PRDM11: variants seen among roughly 807,000 people sequenced by gnomAD.
PRDM11 encodes the protein PR domain-containing protein 11.
Under a neutral mutation model 97.8 loss-of-function variants are expected in PRDM11, and 20 were observed. The observed-to-expected ratio is 0.20, with a 90% CI of 0.14 to 0.30. The LOEUF (loss-of-function observed/expected upper bound fraction) is 0.30. PRDM11 is among the 10% of genes least tolerant of loss of function. The pLI, the probability that PRDM11 is intolerant of heterozygous loss-of-function variation, is 1.00. For missense variants in PRDM11, 1,139 were observed against 1,555.2 expected, an observed-to-expected ratio of 0.73 and a Z score of 4.50; for synonymous variants, 599 against 637.7, an observed-to-expected ratio of 0.94 and a Z score of 0.91.
At chr11:45,134,040 C>T (rs888518519) in intron 1 of PRDM11, among the ~76,000 whole-genome samples, 1 of 152,204 alleles carries the variant, frequency 6.6e-6, no homozygotes. Context: ...CATCTCTATA[C>T]ACCCCCAGAG....
intron 1 of PRDM11, among the ~76,000 whole-genome samples, chr11:45,125,685 T>G (rs1852552429): frequency 6.6e-6 from 1 of 152,236 alleles, no homozygotes; most frequent in Non-Finnish European, 1.5e-5. Flanking sequence ...TCTAGTTTGA[T>G]TGCACTGTGG....
chr11:45,180,798 C>G (rs1252929385), intron 1 of PRDM11, among the ~76,000 whole-genome samples: 2 of 151,036 alleles, frequency 1.3e-5, no homozygotes, highest in East Asian at 2.0e-4. Flanking sequence ...CGGCCCGAGA[C>G]GGGGCGGCCA....
At chr11:45,214,094 C>T (rs1446861505) in intron 5 of PRDM11, 2 of 220,640 alleles carry the variant, frequency 9.1e-6, no homozygotes, top group African/African-American at 4.5e-5. Context: ...AACCTCTTCC[C>T]TGGCTTCTAA....
chr11:45,143,421 A>G (rs941742919), upstream of PRDM11, among the ~76,000 whole-genome samples: 3 of 152,118 alleles, frequency 2.0e-5, no homozygotes, highest in Non-Finnish European at 1.5e-5. Flanking sequence ...CTTCACAGGG[A>G]CCTGGAGGTG....
chr11:45,116,351 A>C (rs1852301984), intron 1 of PRDM11, among the ~76,000 whole-genome samples: 1 of 152,210 alleles, frequency 6.6e-6, no homozygotes, highest in East Asian at 1.9e-4. Flanking sequence ...ATTCTTTGCA[A>C]GTACATATAG....
At chr11:45,148,923 C>T (rs749191696) in intron 1 of PRDM11, among the ~76,000 whole-genome samples, 1 of 152,060 alleles carries the variant, frequency 6.6e-6, no homozygotes, top group Non-Finnish European at 1.5e-5. Flanking sequence ...CAAAGGTGTC[C>T]ATAATCTTCC....
At chr11:45,146,984 G>C (rs1191797844) in intron 1 of PRDM11, 107 bp downstream of exon 1, 4 of 145,912 alleles carry the variant, frequency 2.7e-5, no homozygotes, top group Middle Eastern at 3.5e-3. Context: ...CGGGAGCGGC[G>C]GCTGGGGGCG....
At chr11:45,179,802 G>A (rs772847689) in intron 1 of PRDM11, among the ~76,000 whole-genome samples, 5 of 152,226 alleles carry the variant, frequency 3.3e-5, no homozygotes, top group Admixed American at 2.0e-4. Context: ...GGATCACACC[G>A]CCCATCAGTG....
rs1854270370 is a variant in PRDM11, at chr11:45,226,176, C to T, written c.1551C>T (p.Phe517=). The T allele has an allele frequency of 2.0e-6, 3 of 1,532,982 alleles. No individual in the cohort carries two copies. The highest frequency in any genetic ancestry group is 2.6e-6 in the Non-Finnish European group (3 of 1,145,964). The allele number at this position is 1,532,982 out of a possible 1,614,324, so 95.0% of individuals were successfully genotyped here. ...FKQEWLKKFW[F]LRYSPTLNEM... ...AGGAATGGCTGAAGAAGTTCTGGTT[C>T]CTGCGGTACTCCCCAACCCTCAATG... The change falls in exon 8 of 8, where the codon TTC becomes TTT. Residue 517 remains phenylalanine (F), a synonymous_variant. Transcript: ENST00000683152.
In PRDM11 at chr11:45,226,680, G is replaced by T; in HGVS notation, c.2055G>T (p.Gly685=). 6.5e-7 allele frequency: 1 copy of T among 1,533,980 alleles called. No individual in the cohort carries two copies. Among genetic ancestry groups the T allele is most frequent in the Non-Finnish European group, 8.7e-7 (1 of 1,146,740 alleles). ...ATGTTCAGTACACCAGCAGTGATGGGCCCCCGGCCACAGAGTTCCTGTCCC... is the reference window on the plus strand; with the variant it reads ...ATGTTCAGTACACCAGCAGTGATGGTCCCCCGGCCACAGAGTTCCTGTCCC... ...AVYVQYTSSD[G]PPATEFLSLQ... The change falls in exon 8 of 8, where the codon GGG becomes GGT. Residue 685 remains glycine, a synonymous_variant. Transcript: ENST00000683152.
At chr11:45,166,810 G>A (rs1207494446) in intron 1 of PRDM11, among the ~76,000 whole-genome samples, 1 of 152,204 alleles carries the variant, frequency 6.6e-6, no homozygotes, top group Non-Finnish European at 1.5e-5. Context: ...CTTCCTGGTC[G>A]AGTGTCACAG....
chr11:45,215,539 C>T (rs576838152), intron 5 of PRDM11, among the ~76,000 whole-genome samples: 1 of 152,280 alleles, frequency 6.6e-6, no homozygotes, highest in African/African-American at 2.4e-5. Context: ...GGGAAGGAGC[C>T]AAATTGGAAG....
At chr11:45,155,421 A>G (rs1425365511) in intron 1 of PRDM11, among the ~76,000 whole-genome samples, 6 of 152,164 alleles carry the variant, frequency 3.9e-5, no homozygotes, top group African/African-American at 1.4e-4. Flanking sequence ...CAGCACCGTC[A>G]TGGCCCAAGG....
chr11:45,141,830 T>A (rs1422820779), upstream of PRDM11, among the ~76,000 whole-genome samples: 5 of 152,164 alleles, frequency 3.3e-5, no homozygotes, highest in African/African-American at 1.2e-4. Context: ...GGAAGATGCA[T>A]CTGATTGACA....
chr11:45,134,228 G>A (rs1173932179), intron 1 of PRDM11, among the ~76,000 whole-genome samples: 2 of 152,162 alleles, frequency 1.3e-5, no homozygotes, highest in Non-Finnish European at 2.9e-5. Flanking sequence ...GGACCAAATA[G>A]CTCATGCTGA....
chr11:45,125,465 C>T (rs1190614134), intron 1 of PRDM11, among the ~76,000 whole-genome samples: 1 of 152,050 alleles, frequency 6.6e-6, no homozygotes, highest in African/African-American at 2.4e-5. Flanking sequence ...CTGTTTTCTC[C>T]TGTGGGCATT....
intron 1 of PRDM11, among the ~76,000 whole-genome samples, chr11:45,137,630 C>T (rs1396337118): frequency 6.6e-6 from 1 of 152,050 alleles, no homozygotes; most frequent in African/African-American, 2.4e-5. Context: ...CATCTGTAGC[C>T]CTGGCTACTC....
At chr11:45,146,158 T>G (rs1851503090), upstream of PRDM11, among the ~76,000 whole-genome samples, 1 of 152,078 alleles carries the variant, frequency 6.6e-6, no homozygotes, top group Non-Finnish European at 1.5e-5. Context: ...TCTCGCAACT[T>G]CAGTTTGTAT....
At chr11:45,174,763 G>C (rs1214542385) in intron 1 of PRDM11, among the ~76,000 whole-genome samples, 1 of 152,062 alleles carries the variant, frequency 6.6e-6, no homozygotes, top group African/African-American at 2.4e-5. Flanking sequence ...CTATTTTTCA[G>C]AAGCAAAAAG....
Sources: gnomAD v4.1 joint callset for allele counts (sites outside exome capture counted in the v4.1 genomes callset) on GRCh38, gnomAD v4.1.1 for gene constraint, MANE v1.5 for transcripts, NCBI Gene and HGNC (gene_info 2026-07-23, HGNC 2026-07-21) for gene names.